Variants in CAST observed in about 807,000 individuals in gnomAD.
CAST encodes the protein MIR583 host.
Under a neutral mutation model 119.6 loss-of-function variants are expected in CAST, and 76 were observed. That is an observed-to-expected ratio of 0.64 (90% CI 0.53 to 0.77). The LOEUF is 0.77. CAST is among the 30% of genes least tolerant of loss of function. CAST has a pLI of 0.00. For synonymous variants in CAST, 319 were observed against 331.6 expected (o/e 0.96, Z 0.41); for missense variants, 953 against 946.5 (o/e 1.01, Z -0.09).
the CAST span, among the ~76,000 whole-genome samples, chr5:96,118,292 A>G: frequency 1.3e-5 from 2 of 152,112 alleles, no homozygotes; most frequent in South Asian, 2.1e-4. Flanking sequence ...TTGAGTAGGC[A>G]AAAAGCACTT....
chr5:96,638,658 A>G (rs1747912570), intron 1 of CAST, among the ~76,000 whole-genome samples: 1 of 152,082 alleles, frequency 6.6e-6, no homozygotes, highest in Non-Finnish European at 1.5e-5. Flanking sequence ...GTTCTGATAT[A>G]CCAGTAAGAA....
At chr5:96,276,485 TCACTTA>T in the CAST span, among the ~76,000 whole-genome samples, 1 of 152,166 alleles carries the variant, frequency 6.6e-6, no homozygotes, top group Non-Finnish European at 1.5e-5. Context: ...TTATTACCTT[TCACTTA>T]CAAAGAAAAG....
At chr5:96,769,045 A>G (rs1771142589) in intron 29 of CAST, 1 of 152,230 alleles carries the variant, frequency 6.6e-6, no homozygotes, top group Admixed American at 6.5e-5. Flanking sequence ...TAATTCAACA[A>G]GTGTGAGGCA....
At chr5:96,190,361 G>T in the CAST span, among the ~76,000 whole-genome samples, 1 of 152,114 alleles carries the variant, frequency 6.6e-6, no homozygotes, top group South Asian at 2.1e-4. Context: ...GAAAGTGTAG[G>T]TTCTTTAATG....
chr5:96,471,487 G>A, the CAST span, among the ~76,000 whole-genome samples: 6 of 152,220 alleles, frequency 3.9e-5, no homozygotes, highest in African/African-American at 1.4e-4. Flanking sequence ...ATGTAAAAAC[G>A]ACTGCTACAC....
At chr5:96,270,757 G>A in the CAST span, among the ~76,000 whole-genome samples, 1 of 152,080 alleles carries the variant, frequency 6.6e-6, no homozygotes, top group Non-Finnish European at 1.5e-5. Context: ...GCTAATGAAT[G>A]CTGGGCTTAA....
intron 1 of CAST, among the ~76,000 whole-genome samples, chr5:96,606,484 G>A (rs1266957528): frequency 1.3e-5 from 2 of 152,208 alleles, no homozygotes; most frequent in East Asian, 1.9e-4. Flanking sequence ...ACTGGGACTG[G>A]AGGACAGGCC....
chr5:96,321,497 A>G, the CAST span, among the ~76,000 whole-genome samples: 1 of 152,192 alleles, frequency 6.6e-6, no homozygotes, highest in African/African-American at 2.4e-5. Flanking sequence ...GTGTGTCTGG[A>G]TGGTTGTCTT....
chr5:95,995,771 G>T, the CAST span, among the ~76,000 whole-genome samples: 1 of 152,038 alleles, frequency 6.6e-6, no homozygotes, highest in Non-Finnish European at 1.5e-5. Context: ...GTTAGAATTT[G>T]TGTTGTGAGG....
chr5:96,425,009 AAAGAAAG>A, the CAST span, among the ~76,000 whole-genome samples: 4 of 8,646 alleles, frequency 4.6e-4, no homozygotes, highest in East Asian at 0.011. Context: ...GAAAGAAAGA[AAAGAAAG>A]AAAGAAAGAA....
At chr5:96,616,749 TATATAC>T (rs1358009600) in intron 1 of CAST, among the ~76,000 whole-genome samples, 13 of 115,992 alleles carry the variant, frequency 1.1e-4, no homozygotes, top group Admixed American at 3.3e-4. Context: ...TCTCTCTATA[TATATAC>T]ACACACACAC....
the CAST span, among the ~76,000 whole-genome samples, chr5:96,396,561 CA>C: frequency 0.029 from 3,571 of 122,372 alleles, 133 homozygotes; most frequent in African/African-American, 0.09. Context: ...GACTCCGTCT[CA>C]AAAAAAAAAA....
the CAST span, among the ~76,000 whole-genome samples, chr5:96,356,023 G>T: frequency 6.6e-6 from 1 of 152,036 alleles, no homozygotes; most frequent in Non-Finnish European, 1.5e-5. Flanking sequence ...TTTAATGATC[G>T]CCATTCTAAC....
chr5:96,197,553 T>G, the CAST span, among the ~76,000 whole-genome samples: 6 of 152,156 alleles, frequency 3.9e-5, no homozygotes, highest in African/African-American at 1.4e-4. Context: ...TTTTCAACAC[T>G]TCTTTTTTTA....
chr5:96,033,923 A>C, the CAST span, among the ~76,000 whole-genome samples: 2 of 152,150 alleles, frequency 1.3e-5, no homozygotes, highest in African/African-American at 4.8e-5. Flanking sequence ...GTTACTATCC[A>C]AAATAAAGAA....
At chr5:96,089,042 T>C in the CAST span, among the ~76,000 whole-genome samples, 1 of 151,958 alleles carries the variant, frequency 6.6e-6, no homozygotes, top group African/African-American at 2.4e-5. Flanking sequence ...CAGCATCCTT[T>C]GCAGTGCAAG....
chr5:96,297,055 T>C, the CAST span, among the ~76,000 whole-genome samples: 1 of 152,242 alleles, frequency 6.6e-6, no homozygotes, highest in African/African-American at 2.4e-5. Context: ...ATATTTTCAG[T>C]GTGAACAATT....
At position 96,591,440 on chromosome 5, in the gene CAST, C is replaced by T. The variant is rs150797142; in HGVS notation, c.60+61560C>T. Among the ~76,000 whole-genome samples, 512 of 152,164 alleles carry T rather than the reference C, an allele frequency of 3.4e-3. 3 individuals carry two copies. Among genetic ancestry groups the T allele is most frequent in the Middle Eastern group, 0.01 (3 of 294 alleles). ...ATTAGTCGAGGTGGTCTTTTTCTTT[C>T]GAGAAGGCATATTTAAAATTCAACA... On this transcript the variant is annotated intron_variant, in intron 1 of 11. Transcript: ENST00000505143.
chr5:96,089,296 T>C, the CAST span, among the ~76,000 whole-genome samples: 1 of 152,164 alleles, frequency 6.6e-6, no homozygotes, highest in East Asian at 1.9e-4. Context: ...GAGGCAATTT[T>C]GTTATGTTTA....
Sources: gnomAD v4.1 joint callset for allele counts (sites outside exome capture counted in the v4.1 genomes callset) on GRCh38, gnomAD v4.1.1 for gene constraint, MANE v1.5 for transcripts, NCBI Gene and HGNC (gene_info 2026-07-23, HGNC 2026-07-21) for gene names.